The following GSK3B variants were observed in gnomAD, a reference collection of about 807,000 sequenced individuals.
GSK3B encodes glycogen synthase kinase 3 beta.
In GSK3B, 15 loss-of-function variants were observed where a neutral mutation model predicts 56.4. The ratio of observed to expected loss-of-function variants is 0.27; its 90% confidence interval spans 0.18 to 0.41. The LOEUF is 0.41. GSK3B is among the 10% of genes least tolerant of loss of function. GSK3B has a pLI of 1.00. For synonymous variants in GSK3B, 181 were observed against 188.9 expected, an observed-to-expected ratio of 0.96 and a Z score of 0.34; for missense variants, 300 against 513.4, an observed-to-expected ratio of 0.58 and a Z score of 4.02.
chr3:119,848,324 C>T (rs574732464), intron 9 of GSK3B, among the ~76,000 whole-genome samples: 1 of 152,106 alleles, frequency 6.6e-6, no homozygotes, highest in East Asian at 1.9e-4. Context: ...ACAATCATAA[C>T]CATAACAAGC....
At chr3:120,057,783 C>A (rs2058203073) in intron 1 of GSK3B, among the ~76,000 whole-genome samples, 2 of 151,794 alleles carry the variant, frequency 1.3e-5, no homozygotes, top group South Asian at 4.1e-4. Flanking sequence ...CATCTCTAAA[C>A]CTCAGTTCTC....
intron 7 of GSK3B, among the ~76,000 whole-genome samples, chr3:119,897,006 A>G (rs1289522271): frequency 6.6e-6 from 1 of 152,218 alleles, no homozygotes; most frequent in Non-Finnish European, 1.5e-5. Context: ...GTCCTAAAAT[A>G]CAACTATAAA....
chr3:119,901,333 C>T (rs775835907), intron 7 of GSK3B, among the ~76,000 whole-genome samples: 4 of 152,132 alleles, frequency 2.6e-5, no homozygotes, highest in Admixed American at 2.6e-4. Context: ...GGTCAAATGG[C>T]ATAATGAAAT....
intron 7 of GSK3B, among the ~76,000 whole-genome samples, chr3:119,883,339 GTTGGT>G (rs974070374): frequency 2.6e-5 from 4 of 152,068 alleles, no homozygotes; most frequent in African/African-American, 9.7e-5. Flanking sequence ...ACTTATTTCT[GTTGGT>G]GACTTCTAAT....
chr3:119,831,923 G>T (rs77666560), intron 10 of GSK3B, among the ~76,000 whole-genome samples: 13,855 of 152,212 alleles, frequency 0.091, 778 homozygotes, highest in Non-Finnish European at 0.12. Context: ...TCAGCTTTGT[G>T]GGGAAGGAAA....
chr3:120,081,080 C>G (rs2058415339), intron 1 of GSK3B, among the ~76,000 whole-genome samples: 1 of 152,056 alleles, frequency 6.6e-6, no homozygotes, highest in Admixed American at 6.6e-5. Context: ...GTCATATGCT[C>G]AATGTTTCAA....
intron 3 of GSK3B, among the ~76,000 whole-genome samples, chr3:119,923,704 T>C (rs2056865522): frequency 6.6e-6 from 1 of 152,186 alleles, no homozygotes; most frequent in African/African-American, 2.4e-5. Context: ...AAATAGTCAT[T>C]TCAATATTGT....
intron 6 of GSK3B, among the ~76,000 whole-genome samples, chr3:119,912,430 T>G (rs566946934): frequency 6.6e-6 from 1 of 151,924 alleles, no homozygotes; most frequent in East Asian, 1.9e-4. Context: ...AGACATGAAG[T>G]GAGCACATGC....
intron 2 of GSK3B, among the ~76,000 whole-genome samples, chr3:119,986,883 C>T (rs776012516): frequency 7.9e-5 from 12 of 152,134 alleles, no homozygotes; most frequent in South Asian, 2.1e-4. Context: ...CACATGCACA[C>T]GTTTGTTTAT....
At chr3:120,063,856 G>A (rs1458308579) in intron 1 of GSK3B, among the ~76,000 whole-genome samples, 2 of 150,524 alleles carry the variant, frequency 1.3e-5, no homozygotes, top group African/African-American at 4.9e-5. Flanking sequence ...GCATGGTGGT[G>A]CACATCTGTA....
chr3:120,064,932 G>A (rs1247018217), intron 1 of GSK3B, among the ~76,000 whole-genome samples: 1 of 152,162 alleles, frequency 6.6e-6, no homozygotes, highest in Non-Finnish European at 1.5e-5. Context: ...AATGGAGTTT[G>A]TACAACTAGA....
chr3:120,084,893 G>A (rs1273908939), intron 1 of GSK3B, among the ~76,000 whole-genome samples: 1 of 152,116 alleles, frequency 6.6e-6, no homozygotes, highest in Non-Finnish European at 1.5e-5. Flanking sequence ...TAGAGTTACT[G>A]ATTTAAATTT....
Position 119,826,053 on chromosome 3 carries a change from A to G in GSK3B, c.*735T>C. ...GCCACCTGTAGAGCATGTGTGCCTG[A>G]GTCTTGCTTGCTGCTTCCCCTCTGG... On this transcript the variant is annotated 3_prime_UTR_variant, in exon 11 of 11. Coordinates refer to ENST00000264235, the MANE Select transcript of GSK3B (RefSeq NM_001146156.2). 4.5e-6 allele frequency: 1 copy of G among 223,226 alleles called. No individual in the cohort carries two copies. Among genetic ancestry groups the G allele is most frequent in the Non-Finnish European group, 8.9e-6 (1 of 112,004 alleles). 13.8% of individuals were successfully genotyped at this position (223,226 alleles called of 1,614,324 possible). A position where few individuals can be genotyped will look rare whatever the true frequency, so the allele number is the denominator to read the frequency against.
chr3:120,029,820 C>T, intron 1 of GSK3B: 1 of 552,578 alleles, frequency 1.8e-6, no homozygotes, highest in South Asian at 1.4e-5. Context: ...GAAAATCTGG[C>T]ACGAAATGAG....
chr3:120,085,189 C>T (rs997732712), intron 1 of GSK3B, among the ~76,000 whole-genome samples: 6 of 151,954 alleles, frequency 3.9e-5, no homozygotes, highest in African/African-American at 1.5e-4. Context: ...TCTGGCACAC[C>T]GCACTCAATA....
chr3:119,957,322 A>G (rs1026211282), intron 2 of GSK3B, among the ~76,000 whole-genome samples: 4 of 152,220 alleles, frequency 2.6e-5, no homozygotes, highest in African/African-American at 9.6e-5. Flanking sequence ...CATGTATGCT[A>G]CTTTTCCCAA....
chr3:119,996,007 G>A (rs1015402392), intron 2 of GSK3B, among the ~76,000 whole-genome samples: 2 of 152,036 alleles, frequency 1.3e-5, no homozygotes, highest in Non-Finnish European at 1.5e-5. Flanking sequence ...TGAAGTGCTG[G>A]GATTACAAGC....
At chr3:120,033,003 T>C (rs1186600329) in intron 1 of GSK3B, among the ~76,000 whole-genome samples, 2 of 152,220 alleles carry the variant, frequency 1.3e-5, no homozygotes, top group African/African-American at 4.8e-5. Context: ...CTCTTAGGTG[T>C]CATCCCCCAA....
At chr3:119,934,358 TA>T (rs2056974181) in intron 3 of GSK3B, among the ~76,000 whole-genome samples, 1 of 152,214 alleles carries the variant, frequency 6.6e-6, no homozygotes, top group Non-Finnish European at 1.5e-5. Context: ...CAAAAACGTG[TA>T]ACCCCAGTTT....
Sources: gnomAD v4.1 joint callset for allele counts (sites outside exome capture counted in the v4.1 genomes callset) on GRCh38, gnomAD v4.1.1 for gene constraint, MANE v1.5 for transcripts, NCBI Gene and HGNC (gene_info 2026-07-23, HGNC 2026-07-21) for gene names.